The following ROBO2 variants were observed in gnomAD, a reference collection of about 807,000 sequenced individuals.
ROBO2 encodes the protein roundabout guidance receptor 2, also known as roundabout homolog 2.
Under a neutral mutation model 160.8 loss-of-function variants are expected in ROBO2, and 53 were observed. The observed-to-expected ratio is 0.33, with a 90% CI of 0.26 to 0.41. The LOEUF (loss-of-function observed/expected upper bound fraction) is 0.41. Ranked by LOEUF, ROBO2 falls within the 10% of genes least tolerant of loss-of-function variation. ROBO2 has a pLI of 1.00. For missense variants in ROBO2, 1,577 were observed against 1,722.4 expected, an observed-to-expected ratio of 0.92 and a Z score of 1.49; for synonymous variants, 664 against 611.7, an observed-to-expected ratio of 1.09 and a Z score of -1.26.
chr3:77,009,127 T>C (rs952976002), intron 2 of ROBO2, among the ~76,000 whole-genome samples: 1 of 152,198 alleles, frequency 6.6e-6, no homozygotes, highest in African/African-American at 2.4e-5. Context: ...GATAATCTGT[T>C]TGAAGGATTT....
intron 2 of ROBO2, among the ~76,000 whole-genome samples, chr3:76,449,495 T>G (rs2109249253): frequency 6.6e-6 from 1 of 152,174 alleles, no homozygotes; most frequent in Non-Finnish European, 1.5e-5. Flanking sequence ...GTCTCTAAAT[T>G]TACATATTTC....
chr3:77,400,201 G>C (rs1356349173), intron 2 of ROBO2, among the ~76,000 whole-genome samples: 3 of 152,072 alleles, frequency 2.0e-5, no homozygotes, highest in Admixed American at 6.6e-5. Context: ...ATGAGTCCAA[G>C]GATTTAGGCT....
At chr3:77,090,589 C>T (rs1216891762) in intron 1 of ROBO2, among the ~76,000 whole-genome samples, 1 of 151,854 alleles carries the variant, frequency 6.6e-6, no homozygotes, top group African/African-American at 2.4e-5. Flanking sequence ...CTCCTGACCT[C>T]GTGATCTGCC....
chr3:76,603,346 AAAAAAATATATATAT>A (rs1233648852), intron 2 of ROBO2, among the ~76,000 whole-genome samples: 141 of 56,898 alleles, frequency 2.5e-3, no homozygotes, highest in African/African-American at 3.5e-3. Flanking sequence ...AAAAAAAAAA[AAAAAAATATATATAT>A]ATATATATAT....
intron 2 of ROBO2, among the ~76,000 whole-genome samples, chr3:77,440,602 T>G (rs1330330036): frequency 6.6e-6 from 1 of 152,200 alleles, no homozygotes; most frequent in African/African-American, 2.4e-5. Flanking sequence ...AATAAAAATG[T>G]AAGTTCACTG....
intron 2 of ROBO2, among the ~76,000 whole-genome samples, chr3:76,939,978 G>GATTTT (rs2078049589): frequency 1.2e-5 from 1 of 81,460 alleles, no homozygotes; most frequent in African/African-American, 5.2e-5. Flanking sequence ...AAAGCAACAG[G>GATTTT]ATTTTTTTTT....
rs1366099967 is a variant in ROBO2, at chr3:75,992,802, C to T, written c.109+55200C>T. Among the ~76,000 whole-genome samples, 7 of 152,226 alleles carry T rather than the reference C, an allele frequency of 4.6e-5. 1 individual carries two copies. Among genetic ancestry groups the T allele is most frequent in the South Asian group, 2.1e-4 (1 of 4,838 alleles). ...CCACAGGGGCAGAGCTGCCCAAGACCATGCTAATCCACCTCTTCCATCAGC... is the reference window on the plus strand; with the variant it reads ...CCACAGGGGCAGAGCTGCCCAAGACTATGCTAATCCACCTCTTCCATCAGC... On this transcript the variant is annotated intron_variant, in intron 2 of 26. Coordinates refer to the ROBO2 transcript ENST00000487694.
chr3:77,004,690 T>G (rs542505952), intron 2 of ROBO2, among the ~76,000 whole-genome samples: 1 of 152,310 alleles, frequency 6.6e-6, no homozygotes, highest in African/African-American at 2.4e-5. Context: ...GCATAGGCAT[T>G]TCGCTTTCAG....
intron 2 of ROBO2, among the ~76,000 whole-genome samples, chr3:75,974,855 A>G (rs2065092802): frequency 6.6e-6 from 1 of 151,504 alleles, no homozygotes; most frequent in African/African-American, 2.4e-5. Context: ...TTCGATGGCA[A>G]TAGGAAAATA....
chr3:75,931,038 A>G lies in ROBO2; in HGVS notation c.-13-6443A>G, dbSNP rs1204133583. Among the ~76,000 whole-genome samples, 17 of 152,298 alleles carry G rather than the reference A, an allele frequency of 1.1e-4. 1 individual carries two copies. Among genetic ancestry groups the G allele is most frequent in the Admixed American group, 7.2e-4 (11 of 15,296 alleles). ...ACTTGGACTAAGACCTATGTTCCTCATCATTGCTAATGAAGACCTGTACAG... is the reference window on the plus strand; with the variant it reads ...ACTTGGACTAAGACCTATGTTCCTCGTCATTGCTAATGAAGACCTGTACAG... On this transcript the variant is annotated intron_variant, in intron 1 of 26. Transcript: ENST00000487694.
At chr3:75,960,503 G>T (rs766172328) in intron 2 of ROBO2, among the ~76,000 whole-genome samples, 23 of 151,708 alleles carry the variant, frequency 1.5e-4, no homozygotes, top group South Asian at 6.2e-4. Flanking sequence ...GATTATAGGG[G>T]TGGTTTCATT....
intron 5 of ROBO2, among the ~76,000 whole-genome samples, chr3:77,514,414 A>T (rs1561046120): frequency 6.6e-6 from 1 of 151,832 alleles, no homozygotes; most frequent in African/African-American, 2.4e-5. Flanking sequence ...ACTGAACACA[A>T]AGTCGGCAGT....
chr3:76,931,897 T>C (rs564323489), intron 2 of ROBO2, among the ~76,000 whole-genome samples: 1 of 152,196 alleles, frequency 6.6e-6, no homozygotes, highest in South Asian at 2.1e-4. Context: ...GGCAGGCTGG[T>C]CTCAAACTCC....
intron 2 of ROBO2, among the ~76,000 whole-genome samples, chr3:77,375,755 A>G (rs766770015): frequency 6.6e-6 from 1 of 151,672 alleles, no homozygotes. Context: ...ATCCCCATGC[A>G]TTTGAGAACC....
intron 2 of ROBO2, among the ~76,000 whole-genome samples, chr3:76,375,831 A>G (rs2076318645): frequency 6.6e-6 from 1 of 152,062 alleles, no homozygotes; most frequent in Admixed American, 6.6e-5. Flanking sequence ...AGAGTTAGGT[A>G]AAATATCATA....
intron 2 of ROBO2, among the ~76,000 whole-genome samples, chr3:76,172,266 C>T (rs987363924): frequency 6.8e-6 from 1 of 146,520 alleles, no homozygotes; most frequent in Non-Finnish European, 1.5e-5. Context: ...GGAAGGGGAA[C>T]ATCACACACC....
chr3:77,165,995 G>A (rs1045055169), intron 2 of ROBO2, among the ~76,000 whole-genome samples: 10 of 152,032 alleles, frequency 6.6e-5, no homozygotes, highest in Non-Finnish European at 1.5e-4. Context: ...TGTACAACAC[G>A]TACCATTTGA....
At chr3:76,247,618 C>T (rs891179061) in intron 2 of ROBO2, among the ~76,000 whole-genome samples, 2 of 152,032 alleles carry the variant, frequency 1.3e-5, no homozygotes, top group African/African-American at 4.8e-5. Context: ...TGAGGACCCA[C>T]GCTGCTTCAT....
chr3:77,138,342 CGTT>C (rs974726852), intron 2 of ROBO2, among the ~76,000 whole-genome samples: 1 of 152,118 alleles, frequency 6.6e-6, no homozygotes, highest in Non-Finnish European at 1.5e-5. Flanking sequence ...TTCCACCACA[CGTT>C]GTTAATTTAC....
Sources: gnomAD v4.1 joint callset for allele counts (sites outside exome capture counted in the v4.1 genomes callset) on GRCh38, gnomAD v4.1.1 for gene constraint, MANE v1.5 for transcripts, NCBI Gene and HGNC (gene_info 2026-07-23, HGNC 2026-07-21) for gene names.